Variants in RBM6 observed in about 807,000 individuals in gnomAD.
RBM6 encodes the protein RNA binding motif protein 6.
In RBM6, 23 loss-of-function variants were observed where a neutral mutation model predicts 140.4. That is an observed-to-expected ratio of 0.16 (90% CI 0.12 to 0.23). The LOEUF is 0.23. Among genes scored for constraint, RBM6 ranks in the 10% least tolerant of loss-of-function variants. The probability of loss-of-function intolerance (pLI) is 1.00; values close to 1 mark genes in which losing one functional copy is unlikely to be tolerated. For synonymous variants in RBM6, 439 were observed against 475.6 expected, an observed-to-expected ratio of 0.92 and a Z score of 1.00; for missense variants, 1,139 against 1,386.7, an observed-to-expected ratio of 0.82 and a Z score of 2.84.
At chr3:49,975,437 T>C in intron 5 of RBM6, 45 bp downstream of exon 5, 1 of 1,458,176 alleles carries the variant, frequency 6.9e-7, no homozygotes, top group Non-Finnish European at 9.6e-7. Flanking sequence ...GGAAGGGTCT[T>C]TGTCAGATCT....
intron 6 of RBM6, among the ~76,000 whole-genome samples, chr3:50,012,807 A>G (rs2086919430): frequency 6.9e-6 from 1 of 145,108 alleles, no homozygotes; most frequent in Admixed American, 6.9e-5. Flanking sequence ...CAATGGCGCA[A>G]TCTCGGCTCA....
chr3:50,060,942 G>A lies in RBM6; in HGVS notation c.2229-14G>A, dbSNP rs908960780. On this transcript the variant is annotated splice_polypyrimidine_tract_variant and intron_variant, in intron 11 of 20. Transcript: ENST00000266022. ...TGGTAGCAGCCTTAAGAATTGTTGT[G>A]TTATCTGTTGCAGAAATGATTCTGG... 12 of 1,552,524 alleles carry A rather than the reference G, an allele frequency of 7.7e-6. No individual in the cohort carries two copies. The highest frequency in any genetic ancestry group is 1.3e-5 in the South Asian group (1 of 79,710).
At chr3:50,036,322 T>G (rs543028718) in intron 6 of RBM6, among the ~76,000 whole-genome samples, 2 of 152,348 alleles carry the variant, frequency 1.3e-5, no homozygotes, top group East Asian at 3.9e-4. Flanking sequence ...ACGTCTGTGA[T>G]AGATTGCCAA....
intron 1 of RBM6, among the ~76,000 whole-genome samples, chr3:49,943,772 G>T (rs1358486536): frequency 6.6e-6 from 1 of 152,080 alleles, no homozygotes; most frequent in South Asian, 2.1e-4. Flanking sequence ...GTTATTATAT[G>T]TTTAGCTTTT....
At chr3:49,981,932 A>T (rs994631655) in intron 5 of RBM6, among the ~76,000 whole-genome samples, 1 of 152,232 alleles carries the variant, frequency 6.6e-6, no homozygotes, top group African/African-American at 2.4e-5. Flanking sequence ...CAGCTTCTGG[A>T]TTATGTTTCC....
At chr3:50,037,150 AGCCCTTT>A (rs1274162098) in intron 6 of RBM6, among the ~76,000 whole-genome samples, 1 of 152,128 alleles carries the variant, frequency 6.6e-6, no homozygotes, top group Non-Finnish European at 1.5e-5. Flanking sequence ...CTGTAATTCC[AGCCCTTT>A]GGGAGGCTGT....
intron 6 of RBM6, among the ~76,000 whole-genome samples, chr3:50,009,596 A>T (rs991527145): frequency 6.6e-6 from 1 of 152,092 alleles, no homozygotes; most frequent in African/African-American, 2.4e-5. Flanking sequence ...TTGCTCTATC[A>T]CCCAAGCTGG....
intron 1 of RBM6, among the ~76,000 whole-genome samples, chr3:49,952,098 G>A (rs1353682020): frequency 1.3e-5 from 2 of 151,682 alleles, no homozygotes; most frequent in South Asian, 2.1e-4. Context: ...GCAGTGGCAC[G>A]ATCTTGGCTT....
intron 1 of RBM6, chr3:49,941,180 T>G (rs1051201110): frequency 2.6e-5 from 4 of 152,160 alleles, no homozygotes; most frequent in Non-Finnish European, 5.9e-5. Context: ...ACGAGAGGTG[T>G]CAAGAGCTGG....
intron 1 of RBM6, among the ~76,000 whole-genome samples, chr3:49,941,234 A>G (rs994051718): frequency 3.3e-5 from 5 of 152,140 alleles, no homozygotes; most frequent in Admixed American, 1.3e-4. Context: ...ACTAAATAAT[A>G]TGTTACCATT....
At position 49,967,937 on chromosome 3, in the gene RBM6, C is replaced by G; in HGVS notation, c.512C>G (p.Pro171Arg). 1 of 1,614,146 alleles carries G rather than the reference C, an allele frequency of 6.2e-7. No homozygotes were observed. Among genetic ancestry groups the G allele is most frequent in the Non-Finnish European group, 8.5e-7 (1 of 1,180,026 alleles). Residue 171 changes from proline to arginine, a missense_variant, in exon 3 of 21, where the codon CCT (proline) becomes CGT (arginine). Coordinates refer to ENST00000266022, the MANE Select transcript of RBM6 (RefSeq NM_005777.3). This position sits in a 1 kb window ranked among gnomAD's most constrained non-coding sequence, Gnocchi z 4.0. ...GTTGACTTCAGAGGTAGGGATGCTC[C>G]TCCATCTGACTTCAGGGGCCGGGGC... ...HAVDFRGRDAPPSDFRGRGTY... is the reference protein window; with the variant it reads ...HAVDFRGRDARPSDFRGRGTY...
chr3:50,069,911 C>T (rs2108946915), intron 18 of RBM6, among the ~76,000 whole-genome samples: 1 of 152,168 alleles, frequency 6.6e-6, no homozygotes, highest in Middle Eastern at 3.4e-3. Context: ...TGTACTTTCC[C>T]CTGCTTCTCA....
At chr3:49,943,404 A>C (rs1285670604) in intron 1 of RBM6, among the ~76,000 whole-genome samples, 1 of 152,062 alleles carries the variant, frequency 6.6e-6, no homozygotes, top group East Asian at 1.9e-4. Flanking sequence ...GAGCTCAAGC[A>C]GTCATCCCGC....
In RBM6 at chr3:49,989,377, C is replaced by G. The variant is rs1309593571; in HGVS notation, c.1484-10063C>G. Among the ~76,000 whole-genome samples the G allele has an allele frequency of 3.9e-5, 6 of 151,962 alleles. 1 individual carries two copies. The highest frequency in any genetic ancestry group is 1.3e-4 in the Admixed American group (2 of 15,250). On this transcript the variant is annotated intron_variant, in intron 5 of 20. Coordinates refer to ENST00000266022, the MANE Select transcript of RBM6 (RefSeq NM_005777.3). Reference sequence around the variant, plus strand: ...ATCACTTGAGGTCAGGAGTTCAAGACCAGCCAGGGCAACATGGTGAAACCC... The same window carrying G: ...ATCACTTGAGGTCAGGAGTTCAAGAGCAGCCAGGGCAACATGGTGAAACCC...
chr3:50,058,324 ACAGT>A (rs1251718910), intron 9 of RBM6, 74 bp from the exon 10 acceptor site: 1 of 1,453,318 alleles, frequency 6.9e-7, no homozygotes, highest in Non-Finnish European at 9.6e-7. Context: ...GTAAAAAATG[ACAGT>A]CAGATTCTTG....
At chr3:50,022,758 G>A (rs552384629) in intron 6 of RBM6, among the ~76,000 whole-genome samples, 23 of 152,206 alleles carry the variant, frequency 1.5e-4, no homozygotes, top group African/African-American at 5.5e-4. Context: ...ATGAAAAATA[G>A]GATATCTTAG....
intron 8 of RBM6, 113 bp downstream of exon 8, chr3:50,054,508 CTTTT>C (rs373305597): frequency 1.4e-4 from 103 of 721,838 alleles, no homozygotes; most frequent in Middle Eastern, 5.6e-4. Context: ...ATCTACAAAC[CTTTT>C]TTTTTTTTTT....
intron 6 of RBM6, among the ~76,000 whole-genome samples, chr3:50,021,003 T>C (rs1245959577): frequency 6.6e-6 from 1 of 152,196 alleles, no homozygotes; most frequent in East Asian, 1.9e-4. Flanking sequence ...TCCATATACT[T>C]TGGGATTTTT....
intron 6 of RBM6, among the ~76,000 whole-genome samples, chr3:50,046,392 C>T (rs2089224596): frequency 6.6e-6 from 1 of 151,428 alleles, no homozygotes; most frequent in Admixed American, 6.6e-5. Context: ...CCAGCCTGAC[C>T]AACGTGGAGA....
Sources: allele counts gnomAD v4.1 joint callset (sites outside exome capture counted in the v4.1 genomes callset), GRCh38; gene constraint gnomAD v4.1.1; non-coding constraint Gnocchi (gnomAD v3.1); transcripts MANE v1.5; gene names NCBI Gene and HGNC (gene_info 2026-07-23, HGNC 2026-07-21).